The following DPF3 variants were observed in gnomAD, a reference collection of about 807,000 sequenced individuals.
DPF3 encodes double PHD fingers 3.
In DPF3, 18 loss-of-function variants were observed where a neutral mutation model predicts 56.8. That is an observed-to-expected ratio of 0.32 (90% CI 0.22 to 0.47). DPF3 has a LOEUF of 0.47. Ranked by LOEUF, DPF3 falls within the 20% of genes least tolerant of loss-of-function variation. The pLI is 1.00. For synonymous variants in DPF3, 188 were observed against 180.2 expected, an observed-to-expected ratio of 1.04 and a Z score of -0.35; for missense variants, 403 against 488.8, an observed-to-expected ratio of 0.82 and a Z score of 1.65.
intron 9 of DPF3, among the ~76,000 whole-genome samples, chr14:72,629,169 T>C (rs1045597193): frequency 6.6e-6 from 1 of 152,198 alleles, no homozygotes; most frequent in Non-Finnish European, 1.5e-5. Flanking sequence ...TTGAGATACA[T>C]ATGAAGTAGT....
intron 8 of DPF3, chr14:72,670,410 G>A: frequency 1.7e-5 from 17 of 986,026 alleles, no homozygotes; most frequent in Non-Finnish European, 2.0e-5. Flanking sequence ...AGGTGTGGAG[G>A]GAGGCCAGGC....
chr14:72,807,245 C>G (rs961160664), intron 1 of DPF3, among the ~76,000 whole-genome samples: 9 of 152,210 alleles, frequency 5.9e-5, no homozygotes, highest in Admixed American at 2.0e-4. Context: ...TGGGCAAACT[C>G]CTTAAAATAT....
chr14:72,760,744 T>G (rs1302092861), intron 2 of DPF3, among the ~76,000 whole-genome samples: 1 of 152,070 alleles, frequency 6.6e-6, no homozygotes, highest in East Asian at 1.9e-4. Context: ...CATAATCACA[T>G]TAAATGTAAA....
rs772895001 is a variant in DPF3, at chr14:72,620,371, A to T, written c.985-387T>A. Reference sequence around the variant, plus strand: ...TCTCCATGACTTTATATATTTGAAGATCTTAATTGAATTCTTCTGGACTCC... The same window carrying T: ...TCTCCATGACTTTATATATTTGAAGTTCTTAATTGAATTCTTCTGGACTCC... On this transcript the variant is annotated intron_variant, in intron 9 of 10. Transcript: ENST00000556509. 2.6e-5 allele frequency among the ~76,000 whole-genome samples: 4 copies of T among 152,208 alleles called. No individual in the cohort carries two copies. In the East Asian group the frequency reaches 7.7e-4, roughly 29 times the overall value.
chr14:72,737,419 G>A (rs575494688), intron 3 of DPF3, among the ~76,000 whole-genome samples: 37 of 152,170 alleles, frequency 2.4e-4, no homozygotes, highest in African/African-American at 4.1e-4. Context: ...GGATGCAGGC[G>A]AGATGAGTCT....
At chr14:72,635,353 T>A (rs1337705106) in intron 8 of DPF3, among the ~76,000 whole-genome samples, 2 of 152,168 alleles carry the variant, frequency 1.3e-5, no homozygotes, top group African/African-American at 4.8e-5. Context: ...CTGAGAGCAG[T>A]GACAGCAGCC....
At chr14:72,646,688 C>T (rs1254760901) in intron 8 of DPF3, among the ~76,000 whole-genome samples, 1 of 152,218 alleles carries the variant, frequency 6.6e-6, no homozygotes, top group African/African-American at 2.4e-5. Flanking sequence ...TCTCTTTTGC[C>T]CTCCTTGCCT....
chr14:72,690,455 C>T (rs773244934), intron 7 of DPF3, among the ~76,000 whole-genome samples: 8 of 152,108 alleles, frequency 5.3e-5, no homozygotes, highest in Non-Finnish European at 7.4e-5. Flanking sequence ...TGTGCACACA[C>T]GCATGCACAC....
chr14:72,642,194 C>T (rs1885584549), intron 8 of DPF3, among the ~76,000 whole-genome samples: 1 of 152,356 alleles, frequency 6.6e-6, no homozygotes, highest in African/African-American at 2.4e-5. Flanking sequence ...ACACCACCCA[C>T]CCAAGCCATT....
At chr14:72,756,849 AAAGAAAGAAAGAAAGAAAGAAAGG>A (rs1410155715) in intron 2 of DPF3, among the ~76,000 whole-genome samples, 2 of 136,052 alleles carry the variant, frequency 1.5e-5, no homozygotes, top group Non-Finnish European at 3.1e-5. Context: ...AGAAAGAAAG[AAAGAAAGAAAGAAAGAAAGAAAGG>A]AAGGAAAGAA....
Position 72,610,090 on chromosome 14 carries a change from A to C in DPF3, c.*9207T>G, listed in dbSNP as rs1446637905. On this transcript the variant is annotated 3_prime_UTR_variant, in exon 11 of 11. Transcript: ENST00000556509. Reference sequence around the variant, plus strand: ...GAGTGTGAGGTAAAAGAGACAAGCAAGCATTTTGGAATGATGGGGATAAAA... The same window carrying C: ...GAGTGTGAGGTAAAAGAGACAAGCACGCATTTTGGAATGATGGGGATAAAA... 6.6e-6 allele frequency among the ~76,000 whole-genome samples: 1 copy of C among 152,252 alleles called. No homozygotes were observed. Among genetic ancestry groups the C allele is most frequent in the Non-Finnish European group, 1.5e-5 (1 of 68,040 alleles).
intron 3 of DPF3, among the ~76,000 whole-genome samples, chr14:72,738,386 C>G (rs1004176797): frequency 6.6e-6 from 1 of 152,114 alleles, no homozygotes; most frequent in Non-Finnish European, 1.5e-5. Context: ...ATCCCTCCCC[C>G]ATATGGCCTC....
rs778274662 is a variant in DPF3, at chr14:72,882,664, G to A, written c.32+11393C>T. Reference sequence around the variant, plus strand: ...ATCACAGGCAGAACTACCATAGAGCGCTCCCACGATAATAGATGGTTCTGC... The same window carrying A: ...ATCACAGGCAGAACTACCATAGAGCACTCCCACGATAATAGATGGTTCTGC... On this transcript the variant is annotated intron_variant, in intron 1 of 10. Coordinates refer to ENST00000556509, the MANE Select transcript of DPF3 (RefSeq NM_001280542.3). Among the ~76,000 whole-genome samples the A allele has an allele frequency of 2.9e-4, 44 of 152,176 alleles. 1 individual carries two copies. The highest frequency in any genetic ancestry group is 7.7e-4 in the African/African-American group (32 of 41,500).
intron 1 of DPF3, among the ~76,000 whole-genome samples, chr14:72,818,227 C>T (rs972866323): frequency 5.3e-5 from 8 of 150,464 alleles, no homozygotes; most frequent in South Asian, 2.1e-4. Context: ...GGCAACAGAG[C>T]GAGACTCTGC....
intron 3 of DPF3, among the ~76,000 whole-genome samples, chr14:72,746,251 G>C (rs1216660734): frequency 6.6e-6 from 1 of 152,206 alleles, no homozygotes; most frequent in Non-Finnish European, 1.5e-5. Flanking sequence ...ACATTTCTTT[G>C]GCTGCGCTGT....
intron 8 of DPF3, among the ~76,000 whole-genome samples, chr14:72,668,364 T>C (rs1297531926): frequency 6.6e-6 from 1 of 152,060 alleles, no homozygotes. Context: ...TTTTTAAGGG[T>C]ATAAATCTTG....
At chr14:72,808,280 C>T (rs929251687) in intron 1 of DPF3, among the ~76,000 whole-genome samples, 1 of 152,176 alleles carries the variant, frequency 6.6e-6, no homozygotes. Context: ...TTTAATTTTT[C>T]ACCACCAGCT....
chr14:72,611,762 C>A lies in DPF3; in HGVS notation c.*7535G>T, dbSNP rs562994976. On this transcript the variant is annotated 3_prime_UTR_variant, in exon 11 of 11. Transcript: ENST00000556509. ...TGCTTGGAAAAGCAGATTAAAGCAA[C>A]TAGGCTGAGGTCATCTGTTTTCTTC... Among the ~76,000 whole-genome samples the A allele has an allele frequency of 2.0e-5, 3 of 152,324 alleles. No homozygotes were observed. In the East Asian group the frequency reaches 5.8e-4, roughly 29 times the overall value.
chr14:72,886,207 A>C (rs1352465409), intron 1 of DPF3, among the ~76,000 whole-genome samples: 1 of 152,164 alleles, frequency 6.6e-6, no homozygotes, highest in African/African-American at 2.4e-5. Flanking sequence ...TGCTGTCTCT[A>C]CTAAAAATAC....
Sources: allele counts gnomAD v4.1 joint callset (sites outside exome capture counted in the v4.1 genomes callset), GRCh38; gene constraint gnomAD v4.1.1; transcripts MANE v1.5; gene names NCBI Gene and HGNC (gene_info 2026-07-23, HGNC 2026-07-21).